AMBRA1: variants seen among roughly 807,000 people sequenced by gnomAD.
AMBRA1 encodes autophagy and beclin 1 regulator 1.
Under a neutral mutation model 125.4 loss-of-function variants are expected in AMBRA1, and 47 were observed. That is an observed-to-expected ratio of 0.37 (90% confidence interval 0.30 to 0.48). The LOEUF is 0.48. AMBRA1 is among the 20% of genes least tolerant of loss of function. The pLI is 0.99. For missense variants in AMBRA1, 1,331 were observed against 1,693.4 expected (o/e 0.79, Z 3.76); for synonymous variants, 626 against 655.5 (o/e 0.95, Z 0.69).
intron 4 of AMBRA1, among the ~76,000 whole-genome samples, chr11:46,546,357 C>A (rs1230500696): frequency 6.6e-6 from 1 of 152,100 alleles, no homozygotes; most frequent in African/African-American, 2.4e-5. Flanking sequence ...CCATGCAAAG[C>A]CTGAGAAAAA....
chr11:46,449,674 C>T (rs1336595394), intron 11 of AMBRA1, among the ~76,000 whole-genome samples: 2 of 152,102 alleles, frequency 1.3e-5, no homozygotes, highest in Non-Finnish European at 2.9e-5. Context: ...CAATCTGATT[C>T]TAAAGTTTAT....
At chr11:46,578,668 G>A (rs914293319) in intron 1 of AMBRA1, among the ~76,000 whole-genome samples, 28 of 151,834 alleles carry the variant, frequency 1.8e-4, no homozygotes, top group Non-Finnish European at 4.4e-5. Context: ...CGGATCACGA[G>A]GTCAGGAGAT....
chr11:46,590,801 C>T (rs1004611342), intron 1 of AMBRA1, among the ~76,000 whole-genome samples: 4 of 151,666 alleles, frequency 2.6e-5, no homozygotes, highest in Non-Finnish European at 5.9e-5. Context: ...ATCCCAGCTA[C>T]GCAAGGAGGG....
Position 46,492,193 on chromosome 11 carries a change from T to C in AMBRA1, c.2521+1415A>G, listed in dbSNP as rs142929136. 7.4e-3 allele frequency among the ~76,000 whole-genome samples: 1,129 copies of C among 152,316 alleles called. 9 individuals are homozygous for C. Among genetic ancestry groups the C allele is most frequent in the Non-Finnish European group, 0.012 (803 of 68,022 alleles). On this transcript the variant is annotated intron_variant, in intron 11 of 17. Transcript: ENST00000683756. ...ATGAGGCTGTCAGGAGATTGTGGTA[T>C]AGTCTGCTCTCCTGCCAGGCCAGAG...
intron 7 of AMBRA1, among the ~76,000 whole-genome samples, chr11:46,538,563 G>A (rs146041780): frequency 0.022 from 3,390 of 151,956 alleles, 123 homozygotes; most frequent in African/African-American, 0.077. Context: ...GTGCAATCTC[G>A]GCTCACTGCA....
At chr11:46,464,968 C>A (rs558979432) in intron 11 of AMBRA1, among the ~76,000 whole-genome samples, 1 of 152,200 alleles carries the variant, frequency 6.6e-6, no homozygotes, top group East Asian at 1.9e-4. Flanking sequence ...TCACTTGAAC[C>A]GGGAGGTGGA....
Position 46,543,292 on chromosome 11 carries a change from T to C in AMBRA1, c.725A>G (p.Asn242Ser), listed in dbSNP as rs1323891349. ...QPVRRTPLLH[N>S]FLHMLSSRSS... is the part of the protein sequence containing the mutation. ...GCGGGAGGACAGCATGTGCAGGAAATTGTGGAGGAGAGGCGTCCGGCGAAC... is the reference window on the plus strand; with the variant it reads ...GCGGGAGGACAGCATGTGCAGGAAACTGTGGAGGAGAGGCGTCCGGCGAAC... Residue 242 changes from asparagine to serine, a missense_variant, in exon 7 of 18, where the codon AAT becomes AGT. Physicochemically the swap from Asn to Ser is conservative, Grantham distance 46 (BLOSUM62 1). Around this residue, in one of 4 missense-constraint regions of AMBRA1, gnomAD observed 689 missense variants for 776.5 expected, o/e 0.89. Coordinates refer to ENST00000683756, the MANE Select transcript of AMBRA1 (RefSeq NM_001387011.1). 2.5e-6 allele frequency: 4 copies of C among 1,613,746 alleles called. No individual in the cohort carries two copies. The highest frequency in any genetic ancestry group is 1.7e-5 in the Admixed American group (1 of 59,974).
chr11:46,548,441 A>G lies in AMBRA1; in HGVS notation c.-61T>C. On this transcript the variant is annotated 5_prime_UTR_variant, in exon 2 of 18. Transcript: ENST00000683756. Reference sequence around the variant, plus strand: ...AATGAAGGAGCAAGTAACAGCTCCAACACACTGAAGCAGCTAAAATGAGGC... The same window carrying G: ...AATGAAGGAGCAAGTAACAGCTCCAGCACACTGAAGCAGCTAAAATGAGGC... 6.2e-7 allele frequency: 1 copy of G among 1,603,046 alleles called. No individual in the cohort carries two copies.
intron 12 of AMBRA1, among the ~76,000 whole-genome samples, chr11:46,435,372 G>A (rs1453890844): frequency 6.6e-6 from 1 of 152,186 alleles, no homozygotes; most frequent in African/African-American, 2.4e-5. Flanking sequence ...TTTAACAGCT[G>A]TTATTGTCCC....
rs1004510771 is a variant in AMBRA1, at chr11:46,480,535, G to A, written c.2521+13073C>T. 4.6e-5 allele frequency among the ~76,000 whole-genome samples: 7 copies of A among 152,148 alleles called. No individual in the cohort carries two copies. In the East Asian group the frequency reaches 7.7e-4, roughly 17 times the overall value. On this transcript the variant is annotated intron_variant, in intron 11 of 17. Transcript: ENST00000683756. ...GTGCAACCCTCATCCCAATACATGC[G>A]TCTTTTCCTTCTTTGCTCTAGATCA...
At chr11:46,502,554 T>A (rs967888803) in intron 9 of AMBRA1, among the ~76,000 whole-genome samples, 2 of 152,172 alleles carry the variant, frequency 1.3e-5, no homozygotes, top group African/African-American at 4.8e-5. Flanking sequence ...AGTCACTGAT[T>A]CCTACAGAAG....
chr11:46,478,770 T>A (rs887002984), intron 11 of AMBRA1, among the ~76,000 whole-genome samples: 5 of 145,792 alleles, frequency 3.4e-5, no homozygotes, highest in African/African-American at 1.3e-4. Context: ...TTCTCCTGCC[T>A]CAGCCTCCCG....
intron 15 of AMBRA1, among the ~76,000 whole-genome samples, chr11:46,411,377 A>C (rs1219116966): frequency 6.6e-6 from 1 of 151,880 alleles, no homozygotes; most frequent in Non-Finnish European, 1.5e-5. Context: ...AGGGCCTGGA[A>C]GACGAGGGAC....
intron 6 of AMBRA1, 83 bp from the exon 7 acceptor site, chr11:46,543,481 C>A: frequency 6.5e-7 from 1 of 1,526,948 alleles, no homozygotes; most frequent in Non-Finnish European, 8.9e-7. Flanking sequence ...AAACTAACCA[C>A]TGACAATCAT....
chr11:46,466,401 A>C (rs1282162842), intron 11 of AMBRA1, among the ~76,000 whole-genome samples: 1 of 152,100 alleles, frequency 6.6e-6, no homozygotes, highest in Non-Finnish European at 1.5e-5. Flanking sequence ...CCACAGCCAC[A>C]GCCATTTAGG....
At chr11:46,556,700 G>A (rs2135222656) in intron 1 of AMBRA1, among the ~76,000 whole-genome samples, 1 of 152,224 alleles carries the variant, frequency 6.6e-6, no homozygotes, top group East Asian at 1.9e-4. Flanking sequence ...TAACCTGACT[G>A]TACCTTAGTT....
At chr11:46,461,553 T>G (rs1021622255) in intron 11 of AMBRA1, among the ~76,000 whole-genome samples, 8 of 152,230 alleles carry the variant, frequency 5.3e-5, no homozygotes, top group African/African-American at 1.9e-4. Context: ...GAGGTCATAA[T>G]TGGCTAAAGT....
At chr11:46,489,022 C>T (rs1237976997) in intron 11 of AMBRA1, among the ~76,000 whole-genome samples, 1 of 152,178 alleles carries the variant, frequency 6.6e-6, no homozygotes. Flanking sequence ...CCTGCCTCAG[C>T]CTCCAGAGTA....
chr11:46,440,073 T>C (rs1947928575), intron 12 of AMBRA1, among the ~76,000 whole-genome samples: 1 of 152,156 alleles, frequency 6.6e-6, no homozygotes, highest in African/African-American at 2.4e-5. Context: ...CTACACACTC[T>C]TCCCCCCTGC....
Sources: allele counts gnomAD v4.1 joint callset (sites outside exome capture counted in the v4.1 genomes callset), GRCh38; gene constraint gnomAD v4.1.1; regional missense constraint gnomAD v4.1.1; transcripts MANE v1.5; gene names NCBI Gene and HGNC (gene_info 2026-07-23, HGNC 2026-07-21).